EPB41L4A: variants seen among roughly 807,000 people sequenced by gnomAD.
The protein encoded by EPB41L4A is erythrocyte membrane protein band 4.1 like 4A, also known as band 4.1-like protein 4A.
In EPB41L4A, 100 loss-of-function variants were observed where a neutral mutation model predicts 108.6. The observed-to-expected ratio is 0.92, with a 90% CI of 0.78 to 1.09. The LOEUF (loss-of-function observed/expected upper bound fraction) is 1.09. EPB41L4A is among the 50% of genes least tolerant of loss of function. EPB41L4A has a pLI of 0.00. For missense variants in EPB41L4A, 1,030 were observed against 842.7 expected (o/e 1.22, Z -2.75); for synonymous variants, 319 against 289.0 (o/e 1.10, Z -1.05).
chr5:112,228,922 T>G (rs943542980), intron 12 of EPB41L4A: 5 of 161,094 alleles, frequency 3.1e-5, no homozygotes, highest in Non-Finnish European at 6.6e-5. Context: ...CTCATAAAGG[T>G]GCCAGGGCCT....
chr5:112,197,473 T>C (rs62370373), intron 15 of EPB41L4A, among the ~76,000 whole-genome samples: 1,993 of 152,340 alleles, frequency 0.013, 20 homozygotes, highest in African/African-American at 0.019. Flanking sequence ...TATACCGAAA[T>C]TGGTCACAGA....
intron 1 of EPB41L4A, among the ~76,000 whole-genome samples, chr5:112,413,111 G>T (rs1173081644): frequency 6.6e-6 from 1 of 152,216 alleles, no homozygotes; most frequent in Non-Finnish European, 1.5e-5. Flanking sequence ...ACTAAAGTAT[G>T]AGGATCTATT....
intron 15 of EPB41L4A, 33 bp from the exon 16 acceptor site, chr5:112,195,741 A>G (rs1761935948): frequency 5.0e-6 from 8 of 1,594,256 alleles, no homozygotes; most frequent in Non-Finnish European, 6.9e-6. Context: ...TTAAGAAAAC[A>G]GGAGATTATC....
At chr5:112,372,276 A>G (rs1759541459) in intron 1 of EPB41L4A, among the ~76,000 whole-genome samples, 1 of 152,216 alleles carries the variant, frequency 6.6e-6, no homozygotes, top group Non-Finnish European at 1.5e-5. Flanking sequence ...GGGAAATGCC[A>G]GATGCTTATA....
chr5:112,215,023 G>A (rs1747515309), intron 12 of EPB41L4A, among the ~76,000 whole-genome samples: 1 of 152,138 alleles, frequency 6.6e-6, no homozygotes, highest in Admixed American at 6.5e-5. Context: ...GCACCCACAT[G>A]GCTGCCAGAA....
downstream of EPB41L4A, among the ~76,000 whole-genome samples, chr5:112,159,522 C>T (rs7730625): frequency 0.29 from 43,830 of 152,104 alleles, 8,049 homozygotes; most frequent in African/African-American, 0.52. Context: ...AAAATCCCAA[C>T]ACCTTGCCCT....
intron 2 of EPB41L4A, among the ~76,000 whole-genome samples, chr5:112,285,627 G>A (rs1388241008): frequency 6.6e-6 from 1 of 152,154 alleles, no homozygotes; most frequent in Non-Finnish European, 1.5e-5. Flanking sequence ...GGGAGGGAGA[G>A]ATAATTACAA....
intron 2 of EPB41L4A, among the ~76,000 whole-genome samples, chr5:112,281,851 G>T (rs1405218912): frequency 6.6e-6 from 1 of 152,004 alleles, no homozygotes; most frequent in Non-Finnish European, 1.5e-5. Context: ...AACTGTTGTA[G>T]TCATTTTACT....
rs189091801 is a variant in EPB41L4A, at chr5:112,177,706, T to C, written c.1622+6310A>G. Among the ~76,000 whole-genome samples, 889 of 151,378 alleles carry C rather than the reference T, an allele frequency of 5.9e-3. 3 individuals are homozygous for C. The highest frequency in any genetic ancestry group is 0.014 in the Middle Eastern group (4 of 294). On this transcript the variant is annotated intron_variant, in intron 18 of 22. Transcript: ENST00000261486. ...CAAAGCACAAGTGGAGCTATATTTTTCCAATGTTTCTAAATTTTAAATGTT... is the reference window on the plus strand; with the variant it reads ...CAAAGCACAAGTGGAGCTATATTTTCCCAATGTTTCTAAATTTTAAATGTT...
In EPB41L4A at chr5:112,205,046, A is replaced by T. The variant is rs1353168445; in HGVS notation, c.1262+375T>A. On this transcript the variant is annotated intron_variant, in intron 14 of 22. Coordinates refer to ENST00000261486, the MANE Select transcript of EPB41L4A (RefSeq NM_022140.5). ...GACATATCCATATTTTTAGGAATAAAGGTCTTCCAGCATAACTATTCATCA... is the reference window on the plus strand; with the variant it reads ...GACATATCCATATTTTTAGGAATAATGGTCTTCCAGCATAACTATTCATCA... 3.9e-5 allele frequency among the ~76,000 whole-genome samples: 6 copies of T among 152,240 alleles called. No homozygotes were observed. In the East Asian group the frequency reaches 1.2e-3, roughly 29 times the overall value.
chr5:112,190,738 A>G (rs924877321), intron 17 of EPB41L4A, among the ~76,000 whole-genome samples: 1 of 152,178 alleles, frequency 6.6e-6, no homozygotes, highest in African/African-American at 2.4e-5. Flanking sequence ...TTAAAGAGAA[A>G]AAAACTAATA....
chr5:112,234,091 A>G (rs920931276), intron 12 of EPB41L4A, among the ~76,000 whole-genome samples: 1 of 151,818 alleles, frequency 6.6e-6, no homozygotes, highest in African/African-American at 2.4e-5. Context: ...GGCTGAAGAG[A>G]GATGATCACT....
chr5:112,280,085 T>G (rs1459517412), intron 3 of EPB41L4A, among the ~76,000 whole-genome samples, 187 bp downstream of exon 3: 2 of 152,186 alleles, frequency 1.3e-5, no homozygotes, highest in Non-Finnish European at 2.9e-5. Flanking sequence ...AGAAACTGAT[T>G]AAATTTAATC....
chr5:112,288,580 T>A (rs1753436694), intron 2 of EPB41L4A, among the ~76,000 whole-genome samples: 1 of 152,170 alleles, frequency 6.6e-6, no homozygotes, highest in African/African-American at 2.4e-5. Flanking sequence ...TCACCACATG[T>A]GTCTGGCTAG....
At chr5:112,243,643 G>A (rs945426026) in intron 9 of EPB41L4A, among the ~76,000 whole-genome samples, 3 of 152,132 alleles carry the variant, frequency 2.0e-5, no homozygotes, top group African/African-American at 4.8e-5. Context: ...TAGATCTTCT[G>A]GATTACTTGC....
intron 1 of EPB41L4A, among the ~76,000 whole-genome samples, chr5:112,355,826 A>T (rs757627893): frequency 6.6e-6 from 1 of 152,070 alleles, no homozygotes; most frequent in Middle Eastern, 3.2e-3. Flanking sequence ...GAGAATCCTT[A>T]CTTTTCTACT....
At chr5:112,322,550 A>C (rs1169326943) in intron 1 of EPB41L4A, among the ~76,000 whole-genome samples, 3 of 152,176 alleles carry the variant, frequency 2.0e-5, no homozygotes, top group African/African-American at 7.2e-5. Flanking sequence ...ACTGGGGTTG[A>C]TGCTTGGAAG....
intron 9 of EPB41L4A, among the ~76,000 whole-genome samples, chr5:112,253,547 G>T (rs1248255709): frequency 6.6e-6 from 1 of 152,160 alleles, no homozygotes; most frequent in East Asian, 1.9e-4. Flanking sequence ...AAGCTAGATG[G>T]TAAAAGTATT....
At chr5:112,401,425 C>A (rs1330519776) in intron 1 of EPB41L4A, among the ~76,000 whole-genome samples, 1 of 152,178 alleles carries the variant, frequency 6.6e-6, no homozygotes, top group African/African-American at 2.4e-5. Context: ...TAAGAGGAAA[C>A]TAATTCTCAA....
Sources: allele counts gnomAD v4.1 joint callset (sites outside exome capture counted in the v4.1 genomes callset), GRCh38; gene constraint gnomAD v4.1.1; transcripts MANE v1.5; gene names NCBI Gene and HGNC (gene_info 2026-07-23, HGNC 2026-07-21).